PID1: variants seen among roughly 807,000 people sequenced by gnomAD.
The protein encoded by PID1 is PTB-containing, cubilin and LRP1-interacting protein.
In PID1, 10 loss-of-function variants were observed where a neutral mutation model predicts 19.1. The observed-to-expected ratio is 0.52, with a 90% confidence interval of 0.32 to 0.89. PID1 has a LOEUF of 0.89. PID1 is among the 40% of genes least tolerant of loss of function. The probability of loss-of-function intolerance (pLI) is 0.03; values close to 1 mark genes in which losing one functional copy is unlikely to be tolerated. For missense variants in PID1, 248 were observed against 285.3 expected (o/e 0.87, Z 0.94); for synonymous variants, 130 against 116.0 (o/e 1.12, Z -0.78).
chr2:229,029,669 G>A lies in PID1; in HGVS notation c.178-3561C>T, dbSNP rs192164448. ...AGCCTGATTAACATGATGAAACTCC[G>A]TCTCTACTAAAAATACAGAAATTAG... On this transcript the variant is annotated intron_variant, in intron 2 of 2. Coordinates refer to ENST00000392055, the MANE Select transcript of PID1 (RefSeq NM_001100818.2). Among the ~76,000 whole-genome samples the A allele has an allele frequency of 3.0e-3, 463 of 151,870 alleles. 4 individuals are homozygous for A. In the Middle Eastern group the frequency reaches 0.037, roughly 12 times the overall value.
chr2:229,104,401 T>C (rs1574631341), intron 2 of PID1, among the ~76,000 whole-genome samples: 2 of 152,248 alleles, frequency 1.3e-5, no homozygotes, highest in African/African-American at 4.8e-5. Flanking sequence ...TAGAAAATTA[T>C]AGAGGGATGT....
chr2:229,258,900 G>A (rs34113543), intron 1 of PID1, among the ~76,000 whole-genome samples: 31,545 of 147,588 alleles, frequency 0.21, 3,975 homozygotes, highest in Non-Finnish European at 0.29. Flanking sequence ...GAACAAATCC[G>A]TCAACCCCAA....
At chr2:229,083,022 C>T (rs2106212211) in intron 2 of PID1, among the ~76,000 whole-genome samples, 1 of 151,894 alleles carries the variant, frequency 6.6e-6, no homozygotes, top group East Asian at 1.9e-4. Flanking sequence ...ATGCTTCCAT[C>T]CTAATGTGAT....
intron 2 of PID1, among the ~76,000 whole-genome samples, chr2:229,081,727 G>T: frequency 6.6e-6 from 1 of 152,188 alleles, no homozygotes; most frequent in Non-Finnish European, 1.5e-5. Flanking sequence ...TATCATCAAG[G>T]GAAGCCAAGG....
intron 1 of PID1, among the ~76,000 whole-genome samples, chr2:229,223,505 A>C (rs1458195902): frequency 1.3e-5 from 2 of 152,210 alleles, no homozygotes; most frequent in Admixed American, 6.5e-5. Flanking sequence ...TTTCAGCTAC[A>C]CTATTCACCT....
At chr2:229,206,979 T>C (rs1035804717) in intron 1 of PID1, among the ~76,000 whole-genome samples, 1 of 152,120 alleles carries the variant, frequency 6.6e-6, no homozygotes, top group East Asian at 1.9e-4. Flanking sequence ...CAAATTCTGC[T>C]CTCCTGGGAC....
intron 1 of PID1, among the ~76,000 whole-genome samples, chr2:229,248,490 C>G (rs931478822): frequency 6.6e-6 from 1 of 151,910 alleles, no homozygotes; most frequent in African/African-American, 2.4e-5. Context: ...TTCCTGTAGT[C>G]AACTGATAGT....
chr2:229,062,958 T>A (rs1452079379), intron 2 of PID1, among the ~76,000 whole-genome samples: 1 of 152,068 alleles, frequency 6.6e-6, no homozygotes, highest in African/African-American at 2.4e-5. Flanking sequence ...TTCAGTGGTA[T>A]TTGTTGCAAC....
At chr2:229,246,890 A>G (rs1277716989) in intron 1 of PID1, among the ~76,000 whole-genome samples, 2 of 152,166 alleles carry the variant, frequency 1.3e-5, no homozygotes, top group Non-Finnish European at 2.9e-5. Context: ...GCAATTTGCA[A>G]AATGGAGAAG....
Position 229,025,914 on chromosome 2 carries a change from G to A in PID1, c.372C>T (p.His124=). ...HLDHKGEATV[H]MDTFQVARIA... is the part of the protein sequence containing the mutation. ...TGCGGGCCACCTGGAAGGTATCCAT[G>A]TGCACTGTGGCCTCCCCTTTGTGGT... The change falls in exon 3 of 3, where the codon CAC becomes CAT. Residue 124 remains histidine, a synonymous_variant. Coordinates refer to ENST00000392055, the MANE Select transcript of PID1 (RefSeq NM_001100818.2). 1 of 1,614,178 alleles carries A rather than the reference G, an allele frequency of 6.2e-7. No individual in the cohort carries two copies. The highest frequency in any genetic ancestry group is 8.5e-7 in the Non-Finnish European group (1 of 1,179,994).
At position 229,171,146 on chromosome 2, in the gene PID1, T is replaced by C. The variant is rs60864105; in HGVS notation, c.31-15182A>G. Among the ~76,000 whole-genome samples, 923 of 152,360 alleles carry C rather than the reference T, an allele frequency of 6.1e-3. 11 individuals are homozygous for C. The highest frequency in any genetic ancestry group is 0.021 in the African/African-American group (877 of 41,590). On this transcript the variant is annotated intron_variant, in intron 1 of 2. Coordinates refer to ENST00000392055, the MANE Select transcript of PID1 (RefSeq NM_001100818.2). Reference sequence around the variant, plus strand: ...GTACATGTTATAAACACACACATATTTATGTCCATGCACATTTGGTTTTGC... The same window carrying C: ...GTACATGTTATAAACACACACATATCTATGTCCATGCACATTTGGTTTTGC...
At chr2:229,189,968 T>C (rs1368803290) in intron 1 of PID1, among the ~76,000 whole-genome samples, 1 of 152,208 alleles carries the variant, frequency 6.6e-6, no homozygotes, top group African/African-American at 2.4e-5. Context: ...TCGGTATCAG[T>C]GAGAAAGCCT....
rs1394075639 is a variant in PID1 at position 229,184,397 on chromosome 2, AT to A, written c.31-28434del. The stretch of plus-strand genomic sequence containing the variant: ...ATATATATCTATCCCGTATATATCT[AT>A]CCCGTATATATCTATCCCGTATATA... On this transcript the variant is annotated intron_variant, in intron 1 of 2. Coordinates refer to ENST00000392055, the MANE Select transcript of PID1 (RefSeq NM_001100818.2). Among the ~76,000 whole-genome samples the A allele has an allele frequency of 8.9e-4, 29 of 32,502 alleles. 4 individuals carry two copies. Among genetic ancestry groups the A allele is most frequent in the Non-Finnish European group, 1.2e-3 (22 of 17,636 alleles). The allele number at this position is 32,502 out of a possible 152,430, so 21.3% of individuals were successfully genotyped here. A position where few individuals can be genotyped will look rare whatever the true frequency, so the allele number is the denominator to read the frequency against.
chr2:229,148,114 G>A (rs1382484227), intron 2 of PID1, among the ~76,000 whole-genome samples: 1 of 152,166 alleles, frequency 6.6e-6, no homozygotes, highest in African/African-American at 2.4e-5. Context: ...TGTATCAGCT[G>A]GGAAGTTTTA....
chr2:229,167,017 A>T (rs1690612105), intron 1 of PID1, among the ~76,000 whole-genome samples: 1 of 151,672 alleles, frequency 6.6e-6, no homozygotes. Flanking sequence ...AAAGGAAAGG[A>T]AAGGAAGGGA....
Position 229,026,039 on chromosome 2 carries a change from T to C in PID1, c.247A>G (p.Ile83Val), listed in dbSNP as rs1230241740. 3 of 1,614,084 alleles carry C rather than the reference T, an allele frequency of 1.9e-6. No homozygotes were observed. The highest frequency in any genetic ancestry group is 1.3e-5 in the African/African-American group (1 of 74,956). Residue 83 changes from isoleucine (I) to valine (V), a missense_variant, in exon 3 of 3, where the codon ATT becomes GTT. Transcript: ENST00000392055. ...FLSGCTEKPVIELWKKHTLAR... is the reference protein window; with the variant it reads ...FLSGCTEKPVVELWKKHTLAR... ...AGCGTGTGCTTCTTCCAGAGCTCAA[T>C]GACTGGCTTTTCTGTGCAGCCTGAC...
At chr2:229,153,761 T>A (rs1200780770) in intron 2 of PID1, among the ~76,000 whole-genome samples, 2 of 152,208 alleles carry the variant, frequency 1.3e-5, no homozygotes, top group East Asian at 3.8e-4. Context: ...TTATTTAATA[T>A]CTACATTAGA....
intron 2 of PID1, among the ~76,000 whole-genome samples, chr2:229,042,927 T>A (rs1000212258): frequency 7.2e-5 from 11 of 152,110 alleles, no homozygotes; most frequent in Admixed American, 7.2e-4. Flanking sequence ...TCCTATTAGA[T>A]TTTTTTCTTT....
chr2:229,152,212 A>C (rs1690270690), intron 2 of PID1, among the ~76,000 whole-genome samples: 1 of 152,200 alleles, frequency 6.6e-6, no homozygotes, highest in Admixed American at 6.5e-5. Context: ...CATGTCAATT[A>C]CATGGTACAA....
Sources: allele counts gnomAD v4.1 joint callset (sites outside exome capture counted in the v4.1 genomes callset), GRCh38; gene constraint gnomAD v4.1.1; transcripts MANE v1.5; gene names NCBI Gene and HGNC (gene_info 2026-07-23, HGNC 2026-07-21).